The following POU2F2 variants were observed in gnomAD, a reference collection of about 807,000 sequenced individuals.
POU2F2 encodes POU domain, class 2, transcription factor 2.
POU2F2 carries 14 observed loss-of-function variants against 63.5 expected under a neutral mutation model. The observed-to-expected ratio is 0.22, with a 90% CI of 0.15 to 0.34. The LOEUF is 0.34. Among genes scored for constraint, POU2F2 ranks in the 10% least tolerant of loss-of-function variants. POU2F2 has a pLI of 1.00. For missense variants in POU2F2, 607 were observed against 815.2 expected (o/e 0.74, Z 3.11); for synonymous variants, 306 against 348.6 (o/e 0.88, Z 1.36).
At chr19:42,168,259 CG>C (rs2146797244) in intron 1 of POU2F2, among the ~76,000 whole-genome samples, 1 of 152,300 alleles carries the variant, frequency 6.6e-6, no homozygotes, top group East Asian at 1.9e-4. Context: ...TGTCCCCACA[CG>C]AGGCTCAGAG....
Position 42,132,419 on chromosome 19 carries a change from GC to G in POU2F2, c.-9del. The stretch of plus-strand genomic sequence containing the variant: ...CATGCTGGAGTGAACCATGCTGCCC[GC>G]CCCGCCAGGGCTGGGGGAACAACTG... On this transcript the variant is annotated 5_prime_UTR_variant, in exon 1 of 15. Coordinates refer to ENST00000692977, the MANE Select transcript of POU2F2 (RefSeq NM_001394376.1). 1 of 1,500,686 alleles carries G rather than the reference GC, an allele frequency of 6.7e-7. No homozygotes were observed. Among genetic ancestry groups the G allele is most frequent in the Non-Finnish European group, 8.9e-7 (1 of 1,127,290 alleles). 93.0% of individuals were successfully genotyped at this position (1,500,686 alleles called of 1,614,324 possible). A position where few individuals can be genotyped will look rare whatever the true frequency, so the allele number is the denominator to read the frequency against.
intron 5 of POU2F2, among the ~76,000 whole-genome samples, chr19:42,105,999 T>TTTTCTTTCTTTCTTTCTTTCTTTC (rs56400477): frequency 3.8e-5 from 5 of 132,324 alleles, no homozygotes; most frequent in East Asian, 4.4e-4. Context: ...GATCTTTCTT[T>TTTTCTTTCTTTCTTTCTTTCTTTC]TTTCTTTCTT....
chr19:42,130,106 A>T (rs919286415), intron 1 of POU2F2, among the ~76,000 whole-genome samples: 3 of 152,262 alleles, frequency 2.0e-5, no homozygotes, highest in Admixed American at 6.5e-5. Context: ...AGCCAGCCAG[A>T]CACACGTAAA....
chr19:42,146,236 G>C (rs1015829468), intron 2 of POU2F2, among the ~76,000 whole-genome samples: 1 of 152,126 alleles, frequency 6.6e-6, no homozygotes. Flanking sequence ...AGACACAGAT[G>C]GAACCAGGAT....
intron 2 of POU2F2, among the ~76,000 whole-genome samples, chr19:42,141,847 A>G (rs1259315596): frequency 1.3e-5 from 2 of 152,188 alleles, no homozygotes; most frequent in Non-Finnish European, 1.5e-5. Flanking sequence ...TTCACTAACT[A>G]CATCAAGATT....
intron 5 of POU2F2, among the ~76,000 whole-genome samples, chr19:42,101,933 C>T (rs559448859): frequency 9.9e-5 from 15 of 150,992 alleles, no homozygotes; most frequent in South Asian, 4.2e-4. Flanking sequence ...GTTCAGATTG[C>T]GCCACTGCAC....
upstream of POU2F2, chr19:42,132,470 G>C: frequency 7.1e-7 from 1 of 1,402,040 alleles, no homozygotes; most frequent in Non-Finnish European, 9.3e-7. Context: ...CCTCTCTGGG[G>C]GCCGAGCCCT....
chr19:42,094,029 C>A, intron 11 of POU2F2, 134 bp from the exon 12 acceptor site: 1 of 670,582 alleles, frequency 1.5e-6, no homozygotes, highest in Non-Finnish European at 2.5e-6. Context: ...TTGTATTATT[C>A]CACATGCTTT....
At chr19:42,186,010 C>T (rs1428244702) in intron 1 of POU2F2, among the ~76,000 whole-genome samples, 2 of 152,154 alleles carry the variant, frequency 1.3e-5, no homozygotes, top group Admixed American at 6.5e-5. Flanking sequence ...CTGCCTCGGC[C>T]GCCCCAGTAG....
intron 2 of POU2F2, among the ~76,000 whole-genome samples, chr19:42,145,301 C>T (rs528079967): frequency 6.6e-6 from 1 of 152,306 alleles, no homozygotes; most frequent in South Asian, 2.1e-4. Flanking sequence ...CTTGGCCTCT[C>T]TCAGCCTCTG....
intron 2 of POU2F2, among the ~76,000 whole-genome samples, chr19:42,141,473 CTTT>C (rs58221767): frequency 2.1e-3 from 211 of 98,946 alleles, no homozygotes; most frequent in Admixed American, 2.8e-3. Flanking sequence ...CTTAATTAAT[CTTT>C]TTTTTTTTTT....
At chr19:42,173,200 T>C (rs892727111) in intron 1 of POU2F2, among the ~76,000 whole-genome samples, 4 of 152,228 alleles carry the variant, frequency 2.6e-5, no homozygotes, top group Non-Finnish European at 5.9e-5. Flanking sequence ...ACACCCACTC[T>C]GTCTTCTAAC....
At chr19:42,197,340 G>A (rs1356751300), upstream of POU2F2, among the ~76,000 whole-genome samples, 3 of 152,198 alleles carry the variant, frequency 2.0e-5, no homozygotes, top group Non-Finnish European at 2.9e-5. Flanking sequence ...GGTGTCCAGT[G>A]GAACTCAGCT....
chr19:42,187,456 C>CAAA (rs35993667), intron 1 of POU2F2, among the ~76,000 whole-genome samples: 1,687 of 48,870 alleles, frequency 0.035, 40 homozygotes, highest in Non-Finnish European at 0.05. Context: ...GACTCTGTCT[C>CAAA]AAAAAAAAAA....
upstream of POU2F2, chr19:42,134,776 CA>C (rs2146745287): frequency 6.6e-6 from 1 of 152,300 alleles, no homozygotes; most frequent in Admixed American, 6.5e-5. Context: ...TCCCCAGGGC[CA>C]GCGGGGCTGG....
intron 5 of POU2F2, chr19:42,116,749 G>A (rs2031916542): frequency 5.7e-6 from 2 of 351,494 alleles, no homozygotes; most frequent in Middle Eastern, 1.0e-3. Flanking sequence ...GGTGAGCTGT[G>A]GGGTCCCAGG....
At chr19:42,127,587 T>C (rs746568277) in intron 1 of POU2F2, among the ~76,000 whole-genome samples, 21 of 152,094 alleles carry the variant, frequency 1.4e-4, no homozygotes, top group Non-Finnish European at 2.4e-4. Context: ...TTCACTGTGT[T>C]AGCCAGGATG....
At chr19:42,134,302 G>A (rs746062814), upstream of POU2F2, among the ~76,000 whole-genome samples, 25 of 152,128 alleles carry the variant, frequency 1.6e-4, no homozygotes, top group Non-Finnish European at 2.8e-4. Flanking sequence ...GCTTTTGGAT[G>A]TGACCCCATT....
At chr19:42,101,296 C>G (rs1452260249) in intron 5 of POU2F2, among the ~76,000 whole-genome samples, 1 of 151,446 alleles carries the variant, frequency 6.6e-6, no homozygotes, top group African/African-American at 2.4e-5. Flanking sequence ...AAGTTGGAAT[C>G]CTAACCCCCA....
Sources: gnomAD v4.1 joint callset for allele counts (sites outside exome capture counted in the v4.1 genomes callset) on GRCh38, gnomAD v4.1.1 for gene constraint, MANE v1.5 for transcripts, NCBI Gene and HGNC (gene_info 2026-07-23, HGNC 2026-07-21) for gene names.